Variants in AP4E1 observed in about 807,000 individuals in gnomAD.
The protein encoded by AP4E1 is AP-4 complex subunit epsilon-1.
A neutral mutation model predicts 128.2 loss-of-function variants in AP4E1; 56 were observed. The observed-to-expected ratio is 0.44, with a 90% CI of 0.35 to 0.55. The LOEUF (loss-of-function observed/expected upper bound fraction) is 0.55, where lower values mean the gene tolerates loss of function less well. AP4E1 is among the 20% of genes least tolerant of loss of function. AP4E1 has a pLI of 0.00. For synonymous variants in AP4E1, 484 were observed against 473.1 expected, an observed-to-expected ratio of 1.02 and a Z score of -0.30; for missense variants, 1,324 against 1,307.7, an observed-to-expected ratio of 1.01 and a Z score of -0.19.
Position 51,004,459 on chromosome 15 carries a change from G to A in AP4E1, c.*1797G>A, listed in dbSNP as rs1467853532. ...TGAAGCAATAGGTGTAAGATGCTGA[G>A]AGCACATGGACAGCTACCAGGGAGA... On this transcript the variant is annotated 3_prime_UTR_variant, in exon 21 of 21. Transcript: ENST00000261842. The A allele has an allele frequency of 6.6e-6, 1 of 152,272 alleles. No homozygotes were observed. Among genetic ancestry groups the A allele is most frequent in the African/African-American group, 2.4e-5 (1 of 41,466 alleles). The allele number at this position is 152,272 out of a possible 1,614,324, so 9.4% of individuals were successfully genotyped here. A position where few individuals can be genotyped will look rare whatever the true frequency, so the allele number is the denominator to read the frequency against.
chr15:50,944,998 A>G, intron 10 of AP4E1: 2 of 766,414 alleles, frequency 2.6e-6, no homozygotes, highest in South Asian at 1.4e-5. Flanking sequence ...GGCTTTGTAT[A>G]AGGAATACGT....
chr15:50,946,232 AT>A (rs1026217809), intron 10 of AP4E1, among the ~76,000 whole-genome samples: 15 of 152,054 alleles, frequency 9.9e-5, no homozygotes, highest in Admixed American at 3.9e-4. Context: ...CAACTAACTC[AT>A]TTTTTCCTGT....
chr15:50,923,791 T>C (rs1334407057), intron 3 of AP4E1, 140 bp from the exon 4 acceptor site: 1 of 673,256 alleles, frequency 1.5e-6, no homozygotes, highest in Non-Finnish European at 2.7e-6. Context: ...CTGAAGGTTT[T>C]TAACCTTATA....
At chr15:50,988,633 C>A (rs1003030210) in intron 16 of AP4E1, among the ~76,000 whole-genome samples, 1 of 152,062 alleles carries the variant, frequency 6.6e-6, no homozygotes, top group Admixed American at 6.6e-5. Context: ...ATTGTATTAG[C>A]TCATTATTAT....
At chr15:50,980,495 G>A (rs1210569969) in intron 15 of AP4E1, among the ~76,000 whole-genome samples, 2 of 152,164 alleles carry the variant, frequency 1.3e-5, no homozygotes, top group Admixed American at 1.3e-4. Context: ...TTTTCAGCCT[G>A]GCCATGTGAA....
intron 13 of AP4E1, 61 bp downstream of exon 13, chr15:50,950,230 A>G: frequency 1.7e-6 from 2 of 1,192,638 alleles, no homozygotes; most frequent in Non-Finnish European, 2.4e-6. Flanking sequence ...CCAAATGTTA[A>G]CATATTTTCT....
intron 2 of AP4E1, among the ~76,000 whole-genome samples, chr15:50,914,424 G>C (rs183931410): frequency 1.3e-3 from 194 of 152,178 alleles, no homozygotes; most frequent in African/African-American, 4.5e-3. Context: ...GCTGAGGTGG[G>C]TGGATCATTT....
At chr15:50,961,077 T>C (rs764126335) in intron 14 of AP4E1, among the ~76,000 whole-genome samples, 1 of 151,946 alleles carries the variant, frequency 6.6e-6, no homozygotes, top group South Asian at 2.1e-4. Context: ...AAGGAAGAAA[T>C]AGAAAACCTG....
At chr15:50,941,802 G>T in intron 10 of AP4E1, 27 bp downstream of exon 10, 1 of 1,566,060 alleles carries the variant, frequency 6.4e-7, no homozygotes, top group South Asian at 1.1e-5. Context: ...AATAGTATAT[G>T]TGAAGTGTTA....
At chr15:50,946,498 A>T (rs1055136082) in intron 10 of AP4E1, among the ~76,000 whole-genome samples, 1 of 152,194 alleles carries the variant, frequency 6.6e-6, no homozygotes, top group African/African-American at 2.4e-5. Flanking sequence ...CTGCATTTAT[A>T]TAACTTTTAT....
chr15:50,941,294 T>A (rs1422234712), intron 8 of AP4E1, 148 bp from the exon 9 acceptor site: 5 of 816,546 alleles, frequency 6.1e-6, no homozygotes, highest in Non-Finnish European at 7.8e-6. Flanking sequence ...AGCCTGAAAG[T>A]AGTAGCGTTT....
chr15:50,930,796 G>A lies in AP4E1; in HGVS notation c.703-9G>A. The stretch of plus-strand genomic sequence containing the variant: ...TTATTAACAAAGTTTTTTTTGCGGG[G>A]GGATGTAGGAGAATTCATCTGGATA... On this transcript the variant is annotated splice_polypyrimidine_tract_variant and intron_variant, in intron 6 of 20. Coordinates refer to ENST00000261842, the MANE Select transcript of AP4E1 (RefSeq NM_007347.5). 6.2e-7 allele frequency: 1 copy of A among 1,612,330 alleles called. No homozygotes were observed. Among genetic ancestry groups the A allele is most frequent in the South Asian group, 1.1e-5 (1 of 90,710 alleles).
In AP4E1 at chr15:50,943,723, A is replaced by T. The variant is rs137964040; in HGVS notation, c.1176+1948A>T. 2.1e-3 allele frequency among the ~76,000 whole-genome samples: 326 copies of T among 152,304 alleles called. 2 individuals are homozygous for T. Among genetic ancestry groups the T allele is most frequent in the African/African-American group, 7.6e-3 (316 of 41,562 alleles). ...ACCCATTGGATGCCTGAAACCATAG[A>T]TAGTATTGAACCATGTATATATTTA... is the stretch of plus-strand genomic sequence containing the variant. On this transcript the variant is annotated intron_variant, in intron 10 of 20. Coordinates refer to ENST00000261842, the MANE Select transcript of AP4E1 (RefSeq NM_007347.5).
intron 3 of AP4E1, among the ~76,000 whole-genome samples, chr15:50,920,534 G>A (rs1454142520): frequency 2.6e-5 from 4 of 151,276 alleles, no homozygotes; most frequent in Non-Finnish European, 5.9e-5. Context: ...AGCCTCTCGA[G>A]TAGCTGAGAC....
chr15:51,002,250 C>T (rs563707215), intron 20 of AP4E1, among the ~76,000 whole-genome samples: 21 of 152,290 alleles, frequency 1.4e-4, no homozygotes, highest in Non-Finnish European at 2.1e-4. Context: ...TTCCCACCAG[C>T]AATGTACCAG....
intron 7 of AP4E1, among the ~76,000 whole-genome samples, chr15:50,932,194 G>C (rs1294831324): frequency 6.6e-6 from 1 of 152,064 alleles, no homozygotes; most frequent in Non-Finnish European, 1.5e-5. Flanking sequence ...GGCCAGGCTG[G>C]TCTCGAGCTC....
upstream of AP4E1, among the ~76,000 whole-genome samples, chr15:50,908,324 G>A (rs1376209940): frequency 6.6e-6 from 1 of 152,190 alleles, no homozygotes; most frequent in Non-Finnish European, 1.5e-5. Context: ...CGCGCTCCGG[G>A]GACAGTGAGA....
intron 5 of AP4E1, among the ~76,000 whole-genome samples, chr15:50,928,193 A>G (rs2414078): frequency 0.43 from 65,998 of 151,908 alleles, 14,530 homozygotes; most frequent in East Asian, 0.59. Context: ...GTCCCCCAGA[A>G]TATTTGGAGT....
chr15:51,000,590 T>G (rs1437780511), intron 19 of AP4E1, among the ~76,000 whole-genome samples: 4 of 152,226 alleles, frequency 2.6e-5, no homozygotes, highest in Non-Finnish European at 5.9e-5. Context: ...AAAAAATGTG[T>G]TTGTTAAAAT....
Sources: allele counts gnomAD v4.1 joint callset (sites outside exome capture counted in the v4.1 genomes callset), GRCh38; gene constraint gnomAD v4.1.1; transcripts MANE v1.5; gene names NCBI Gene and HGNC (gene_info 2026-07-23, HGNC 2026-07-21).